The following ITPR1 variants were observed in gnomAD, a reference collection of about 807,000 sequenced individuals.
ITPR1 encodes inositol 1,4,5-trisphosphate receptor type 1, also known as inositol 1,4,5-trisphosphate-gated calcium channel ITPR1.
Under a neutral mutation model 318.4 loss-of-function variants are expected in ITPR1, and 96 were observed. The ratio of observed to expected loss-of-function variants is 0.30; its 90% CI spans 0.26 to 0.36. The LOEUF (loss-of-function observed/expected upper bound fraction) is 0.36. Ranked by LOEUF, ITPR1 falls within the 10% of genes least tolerant of loss-of-function variation. The pLI is 1.00. For missense variants in ITPR1, 2,440 were observed against 3,460.2 expected (o/e 0.71, Z 7.40); for synonymous variants, 1,312 against 1,289.9 (o/e 1.02, Z -0.37).
intron 2 of ITPR1, among the ~76,000 whole-genome samples, chr3:4,506,513 G>A (rs1357219186): frequency 3.3e-5 from 5 of 151,966 alleles, no homozygotes; most frequent in African/African-American, 7.2e-5. Flanking sequence ...TTAATTTTTT[G>A]CATATACTCA....
chr3:4,630,431 A>G (rs2125133188), intron 5 of ITPR1, among the ~76,000 whole-genome samples: 1 of 152,236 alleles, frequency 6.6e-6, no homozygotes, highest in South Asian at 2.1e-4. Context: ...TCACAGTCGT[A>G]GGATATAGCT....
At chr3:4,838,001 C>T (rs992486941) in intron 61 of ITPR1, among the ~76,000 whole-genome samples, 6 of 152,168 alleles carry the variant, frequency 3.9e-5, no homozygotes, top group African/African-American at 7.2e-5. Context: ...TGATTTATCA[C>T]TCTTACAAAG....
chr3:4,526,460 C>T (rs144538086), intron 4 of ITPR1, among the ~76,000 whole-genome samples: 362 of 152,296 alleles, frequency 2.4e-3, no homozygotes, highest in African/African-American at 8.0e-3. Context: ...TGACCTCCAG[C>T]GCTGAGGCCC....
intron 46 of ITPR1, among the ~76,000 whole-genome samples, chr3:4,769,782 G>A (rs960233156): frequency 1.3e-5 from 2 of 152,244 alleles, no homozygotes; most frequent in Non-Finnish European, 2.9e-5. Flanking sequence ...CTGAGAGACA[G>A]AGGGCACATG....
intron 4 of ITPR1, among the ~76,000 whole-genome samples, chr3:4,557,631 A>C (rs914274285): frequency 6.6e-6 from 1 of 152,204 alleles, no homozygotes; most frequent in African/African-American, 2.4e-5. Flanking sequence ...GTGGCTTTCA[A>C]GCTTCAAGGA....
chr3:4,563,727 C>T (rs373009642), intron 4 of ITPR1, among the ~76,000 whole-genome samples: 24 of 152,104 alleles, frequency 1.6e-4, no homozygotes, highest in African/African-American at 4.3e-4. Flanking sequence ...TTTTTTCATG[C>T]GGATATTTTT....
chr3:4,547,883 C>G (rs924014573), intron 4 of ITPR1, among the ~76,000 whole-genome samples: 4 of 152,100 alleles, frequency 2.6e-5, no homozygotes, highest in Non-Finnish European at 4.4e-5. Context: ...CTTTGAGTAT[C>G]ATTCAGATTA....
At chr3:4,589,979 C>G (rs892231639) in intron 4 of ITPR1, among the ~76,000 whole-genome samples, 1 of 152,088 alleles carries the variant, frequency 6.6e-6, no homozygotes, top group Non-Finnish European at 1.5e-5. Flanking sequence ...CTGCACACAG[C>G]AAACTCATTT....
chr3:4,813,298 A>G, intron 57 of ITPR1, 64 bp downstream of exon 57: 1 of 1,118,118 alleles, frequency 8.9e-7, no homozygotes, highest in South Asian at 1.5e-5. Flanking sequence ...TAGCTGATGC[A>G]GGTGATGTTG....
intron 32 of ITPR1, among the ~76,000 whole-genome samples, chr3:4,693,034 C>T (rs2094503669): frequency 6.6e-6 from 1 of 152,156 alleles, no homozygotes; most frequent in Non-Finnish European, 1.5e-5. Flanking sequence ...GCAGGAGAAT[C>T]GCTTGAACCA....
At position 4,670,822 on chromosome 3, in the gene ITPR1, T is replaced by C. The variant is rs775610881; in HGVS notation, c.2100T>C (p.Phe700=). 6.2e-7 allele frequency: 1 copy of C among 1,610,686 alleles called. No individual in the cohort carries two copies. ...AAGACGAGGAAGAGGTGTGGCTGTT[T>C]TGGAGGGACAGCAACAAAGAGATTC... is the stretch of plus-strand genomic sequence containing the variant. ...AGEDEEEVWL[F]WRDSNKEIRS... Residue 700 remains phenylalanine, a synonymous_variant, in exon 20 of 62, where the codon TTT becomes TTC. Transcript: ENST00000649015.
intron 2 of ITPR1, among the ~76,000 whole-genome samples, chr3:4,512,241 C>T (rs1472132343): frequency 6.6e-6 from 1 of 152,200 alleles, no homozygotes; most frequent in Non-Finnish European, 1.5e-5. Context: ...GATGTGATGA[C>T]AGGCATGAGC....
intron 24 of ITPR1, among the ~76,000 whole-genome samples, chr3:4,677,737 G>A (rs896558251): frequency 1.3e-5 from 2 of 152,070 alleles, no homozygotes; most frequent in African/African-American, 2.4e-5. Flanking sequence ...TTTTTAAGTG[G>A]GTGGGTTATA....
chr3:4,820,518 A>G (rs1246238995), intron 60 of ITPR1, among the ~76,000 whole-genome samples: 1 of 152,140 alleles, frequency 6.6e-6, no homozygotes, highest in Non-Finnish European at 1.5e-5. Context: ...AGCCAGAGTG[A>G]CCTGTAGCCC....
intron 60 of ITPR1, among the ~76,000 whole-genome samples, chr3:4,836,460 T>C (rs1186242185): frequency 6.6e-6 from 1 of 152,204 alleles, no homozygotes; most frequent in Admixed American, 6.5e-5. Flanking sequence ...TCATCAGCCA[T>C]GTAATTTGCA....
chr3:4,682,221 G>C (rs2094315948), intron 26 of ITPR1, among the ~76,000 whole-genome samples: 1 of 152,338 alleles, frequency 6.6e-6, no homozygotes, highest in African/African-American at 2.4e-5. Context: ...CCTCCAAGTT[G>C]GATTATTCAC....
In ITPR1 at chr3:4,843,073, G is replaced by GTTT. The variant is rs1239276073; in HGVS notation, c.8191-3066_8191-3065insTTT. ...GATTTAGTCCTTCAGGGTTTTGAGG[G>GTTT]GTTTTTTTTTTTTTTTTTTTTTGGT... On this transcript the variant is annotated intron_variant, in intron 61 of 61. Transcript: ENST00000649015. Among the ~76,000 whole-genome samples, 10 of 119,978 alleles carry GTTT rather than the reference G, an allele frequency of 8.3e-5. No homozygotes were observed. In the South Asian group the frequency reaches 1.4e-3, roughly 17 times the overall value. 78.7% of individuals were successfully genotyped at this position (119,978 alleles called of 152,430 possible).
chr3:4,774,753 G>A (rs1332081858), intron 46 of ITPR1, among the ~76,000 whole-genome samples: 1 of 152,144 alleles, frequency 6.6e-6, no homozygotes, highest in African/African-American at 2.4e-5. Context: ...CCAGGCTCCT[G>A]CCACATGGCA....
chr3:4,627,906 G>C (rs943070510), intron 5 of ITPR1, 28 bp downstream of exon 5: 34 of 1,418,084 alleles, frequency 2.4e-5, no homozygotes, highest in Non-Finnish European at 3.3e-5. Flanking sequence ...GCTGTCGATG[G>C]GGCAGTAGTG....
Sources: gnomAD v4.1 joint callset for allele counts (sites outside exome capture counted in the v4.1 genomes callset) on GRCh38, gnomAD v4.1.1 for gene constraint, MANE v1.5 for transcripts, NCBI Gene and HGNC (gene_info 2026-07-23, HGNC 2026-07-21) for gene names.